Variants in KCNK2 observed in about 807,000 individuals in gnomAD.
KCNK2 encodes the protein potassium two pore domain channel subfamily K member 2.
Under a neutral mutation model 40.5 loss-of-function variants are expected in KCNK2, and 21 were observed. That is an observed-to-expected ratio of 0.52 (90% CI 0.37 to 0.75). The LOEUF (loss-of-function observed/expected upper bound fraction) is 0.75. Ranked by LOEUF, KCNK2 falls within the 30% of genes least tolerant of loss-of-function variation. KCNK2 has a pLI of 0.00. For synonymous variants in KCNK2, 191 were observed against 202.2 expected (o/e 0.94, Z 0.47); for missense variants, 399 against 531.6 (o/e 0.75, Z 2.45).
At chr1:215,116,163 C>T (rs764785611) in intron 2 of KCNK2, among the ~76,000 whole-genome samples, 2 of 151,956 alleles carry the variant, frequency 1.3e-5, no homozygotes, top group Non-Finnish European at 2.9e-5. Context: ...TGTAGCTACT[C>T]AGTGAGATAT....
intron 2 of KCNK2, among the ~76,000 whole-genome samples, chr1:215,114,512 A>G (rs1014625365): frequency 6.6e-6 from 1 of 152,170 alleles, no homozygotes; most frequent in African/African-American, 2.4e-5. Flanking sequence ...AGTTCAACCA[A>G]TTCAGTATTT....
chr1:215,064,100 T>G (rs1054433857), intron 1 of KCNK2, among the ~76,000 whole-genome samples: 5 of 152,124 alleles, frequency 3.3e-5, no homozygotes, highest in African/African-American at 4.8e-5. Flanking sequence ...ATCTATCAAG[T>G]TTTTAGCATT....
intron 6 of KCNK2, among the ~76,000 whole-genome samples, chr1:215,217,696 C>T (rs1260875997): frequency 6.6e-6 from 1 of 152,126 alleles, no homozygotes; most frequent in Non-Finnish European, 1.5e-5. Flanking sequence ...AATATGAATA[C>T]AAAGTAGATT....
Position 215,085,766 on chromosome 1 carries a change from G to A in KCNK2, c.47-602G>A, listed in dbSNP as rs148944898. On this transcript the variant is annotated intron_variant, in intron 1 of 6. Transcript: ENST00000444842. Reference sequence around the variant, plus strand: ...CTTTGGAGGACAGGCAAAAAGACAAGATTCGACCATCGAGTGGTTTATTTA... The same window carrying A: ...CTTTGGAGGACAGGCAAAAAGACAAAATTCGACCATCGAGTGGTTTATTTA... Among the ~76,000 whole-genome samples, 308 of 152,264 alleles carry A rather than the reference G, an allele frequency of 2.0e-3. 3 individuals carry two copies. The highest frequency in any genetic ancestry group is 7.1e-3 in the African/African-American group (293 of 41,560).
Position 215,083,211 on chromosome 1 carries a change from CCCGCGTCCAG to C in KCNK2, c.-172_-163del. 1 of 1,292,474 alleles carries C rather than the reference CCCGCGTCCAG, an allele frequency of 7.7e-7. No homozygotes were observed. The highest frequency in any genetic ancestry group is 1.1e-6 in the Non-Finnish European group (1 of 933,670). 80.1% of individuals were successfully genotyped at this position (1,292,474 alleles called of 1,614,324 possible). On this transcript the variant is annotated 5_prime_UTR_variant, in exon 1 of 7. Coordinates refer to ENST00000444842, the MANE Select transcript of KCNK2 (RefSeq NM_001017425.3). Reference sequence around the variant, plus strand: ...TCTCACGCTCCCCCCCCCGCCCCCTCCCGCGTCCAGCCCCGCTCTCCCCACCTTGTAAAAC... The same window carrying C: ...TCTCACGCTCCCCCCCCCGCCCCCTCCCCCGCTCTCCCCACCTTGTAAAAC...
At chr1:215,226,935 T>C (rs1376802374) in intron 6 of KCNK2, among the ~76,000 whole-genome samples, 1 of 152,178 alleles carries the variant, frequency 6.6e-6, no homozygotes, top group Non-Finnish European at 1.5e-5. Context: ...TGAATAGAGA[T>C]GGCTATGAGT....
intron 6 of KCNK2, among the ~76,000 whole-genome samples, chr1:215,222,170 C>G (rs537018761): frequency 3.2e-4 from 49 of 152,324 alleles, no homozygotes; most frequent in Middle Eastern, 3.4e-3. Context: ...CATCTCCCCC[C>G]AGTCCCCACC....
intron 1 of KCNK2, among the ~76,000 whole-genome samples, chr1:215,062,642 A>G (rs574926102): frequency 6.6e-6 from 1 of 151,394 alleles, no homozygotes; most frequent in South Asian, 2.1e-4. Context: ...TTTATTTATG[A>G]TAATTAGATG....
chr1:215,082,518 TG>T (rs1659202745), upstream of KCNK2, among the ~76,000 whole-genome samples: 1 of 149,106 alleles, frequency 6.7e-6, no homozygotes, highest in African/African-American at 2.5e-5. Flanking sequence ...TTTTGCGGGG[TG>T]GGGATGGGGG....
intron 2 of KCNK2, among the ~76,000 whole-genome samples, chr1:215,118,998 A>C (rs1293013138): frequency 6.6e-6 from 1 of 152,180 alleles, no homozygotes; most frequent in African/African-American, 2.4e-5. Context: ...TCAGTATAGG[A>C]AAAATAAGTA....
Position 215,235,625 on chromosome 1 carries a change from A to C in KCNK2, c.*480A>C, listed in dbSNP as rs1666850866. On this transcript the variant is annotated 3_prime_UTR_variant, in exon 7 of 7. Transcript: ENST00000444842. ...CTAAGAAATTTTCTGTCAGTGCCTT[A>C]TCTTATGAAGAAACAGAACCTCTCT... 1 of 153,854 alleles carries C rather than the reference A, an allele frequency of 6.5e-6. No homozygotes were observed. The highest frequency in any genetic ancestry group is 2.4e-5 in the African/African-American group (1 of 41,406). 9.5% of individuals were successfully genotyped at this position (153,854 alleles called of 1,614,324 possible).
Position 215,034,397 on chromosome 1 carries a change from GT to G in KCNK2, c.34+28449del, listed in dbSNP as rs374879902. Among the ~76,000 whole-genome samples the G allele has an allele frequency of 1.1e-3, 167 of 151,098 alleles. 1 individual carries two copies. The highest frequency in any genetic ancestry group is 3.8e-3 in the African/African-American group (156 of 41,086). On this transcript the variant is annotated intron_variant, in intron 1 of 6. Transcript: ENST00000391895. ...TGAATACAGTTACTATTTTGTACAA[GT>G]TTTTTTGCGACCTTATTTATTGATT... is the stretch of plus-strand genomic sequence containing the variant.
At chr1:215,056,954 AT>A (rs1418533561) in intron 1 of KCNK2, among the ~76,000 whole-genome samples, 1 of 152,332 alleles carries the variant, frequency 6.6e-6, no homozygotes, top group East Asian at 1.9e-4. Flanking sequence ...AATAGGAATA[AT>A]ATGAGTATTT....
intron 1 of KCNK2, among the ~76,000 whole-genome samples, chr1:215,048,587 A>T (rs988110044): frequency 2.0e-4 from 31 of 152,354 alleles, no homozygotes; most frequent in African/African-American, 7.0e-4. Context: ...AAAGGCTTGT[A>T]TGAATTTTGA....
chr1:215,100,476 T>C (rs1169134924), intron 2 of KCNK2, among the ~76,000 whole-genome samples: 1 of 151,968 alleles, frequency 6.6e-6, no homozygotes, highest in Admixed American at 6.6e-5. Context: ...GCAACCTAGG[T>C]GTTTCTTAAG....
At chr1:215,108,132 A>C (rs1368661501) in intron 2 of KCNK2, among the ~76,000 whole-genome samples, 3 of 152,116 alleles carry the variant, frequency 2.0e-5, no homozygotes, top group African/African-American at 7.2e-5. Context: ...GTGAGAATCT[A>C]ATGCCATGAC....
At chr1:215,177,722 G>GTATATATATATATATATATATGTGTATA (rs1553270861) in intron 5 of KCNK2, among the ~76,000 whole-genome samples, 1 of 116,264 alleles carries the variant, frequency 8.6e-6, no homozygotes, top group Non-Finnish European at 1.7e-5. Context: ...ATATATATGT[G>GTATATATATATATATATATATGTGTATA]TATATATATA....
exon 1 of KCNK2, chr1:215,005,925 A>G (rs1289094833): frequency 1.2e-6 from 2 of 1,613,410 alleles, no homozygotes; most frequent in African/African-American, 1.3e-5. Flanking sequence ...TCACCAAATG[A>G]TGAACCCACG....
At chr1:215,130,069 A>G (rs2102587872) in intron 3 of KCNK2, among the ~76,000 whole-genome samples, 1 of 152,318 alleles carries the variant, frequency 6.6e-6, no homozygotes, top group African/African-American at 2.4e-5. Flanking sequence ...GATAGCTTCA[A>G]GATGGGGGCT....
Sources: gnomAD v4.1 joint callset for allele counts (sites outside exome capture counted in the v4.1 genomes callset) on GRCh38, gnomAD v4.1.1 for gene constraint, MANE v1.5 for transcripts, NCBI Gene and HGNC (gene_info 2026-07-23, HGNC 2026-07-21) for gene names.